Variants in LDB2 observed in about 807,000 individuals in gnomAD.
LDB2 encodes LIM domain-binding protein 2.
LDB2 carries 12 observed loss-of-function variants against 44.3 expected under a neutral mutation model. That is an observed-to-expected ratio of 0.27 (90% confidence interval 0.17 to 0.44). LDB2 has a LOEUF of 0.44. Ranked by LOEUF, LDB2 falls within the 20% of genes least tolerant of loss-of-function variation. The pLI is 1.00. For missense variants in LDB2, 344 were observed against 473.5 expected (o/e 0.73, Z 2.54); for synonymous variants, 164 against 174.8 (o/e 0.94, Z 0.49).
At chr4:16,676,143 G>C (rs2658512) in intron 2 of LDB2, among the ~76,000 whole-genome samples, 2 of 152,356 alleles carry the variant, frequency 1.3e-5, no homozygotes, top group South Asian at 4.1e-4. Context: ...GCGTGGAGGA[G>C]AGGTTGTGTG....
At chr4:16,812,582 T>TATATATATATATATATATA (rs1780080740) in intron 1 of LDB2, among the ~76,000 whole-genome samples, 1 of 115,560 alleles carries the variant, frequency 8.7e-6, no homozygotes, top group African/African-American at 3.9e-5. Context: ...ATCAATGAAA[T>TATATATATATATATATATA]TATATATATA....
At chr4:16,592,927 T>C (rs1420269886) in intron 3 of LDB2, among the ~76,000 whole-genome samples, 2 of 152,202 alleles carry the variant, frequency 1.3e-5, no homozygotes, top group African/African-American at 2.4e-5. Context: ...CCTTGATGTC[T>C]GCTCTTCTGA....
At chr4:16,554,941 G>T (rs1439739804) in intron 5 of LDB2, among the ~76,000 whole-genome samples, 13 of 152,210 alleles carry the variant, frequency 8.5e-5, no homozygotes, top group Non-Finnish European at 2.9e-5. Context: ...TGACATGTCA[G>T]TGTTGGTTCA....
intron 5 of LDB2, among the ~76,000 whole-genome samples, chr4:16,552,020 G>T (rs530701265): frequency 8.9e-4 from 135 of 151,922 alleles, no homozygotes; most frequent in African/African-American, 3.1e-3. Flanking sequence ...ACAAATATTT[G>T]CTGAGCCTCT....
At chr4:16,821,746 C>CAAAAA (rs562184189) in intron 1 of LDB2, among the ~76,000 whole-genome samples, 7,225 of 61,462 alleles carry the variant, frequency 0.12, 1,233 homozygotes, top group Middle Eastern at 0.14. Context: ...AACATTAAAG[C>CAAAAA]AAAAAAAAAA....
intron 2 of LDB2, among the ~76,000 whole-genome samples, chr4:16,758,340 G>C (rs1232094271): frequency 1.3e-5 from 2 of 152,154 alleles, no homozygotes; most frequent in African/African-American, 4.8e-5. Flanking sequence ...TCCATGGCTG[G>C]TTCCCTCATC....
At chr4:16,630,410 C>T (rs554293222) in intron 2 of LDB2, among the ~76,000 whole-genome samples, 2 of 152,250 alleles carry the variant, frequency 1.3e-5, no homozygotes, top group African/African-American at 4.8e-5. Context: ...CACCAGCAGG[C>T]CTACCTTATA....
At chr4:16,598,426 G>T (rs1721623298) in intron 2 of LDB2, among the ~76,000 whole-genome samples, 1 of 152,144 alleles carries the variant, frequency 6.6e-6, no homozygotes, top group Non-Finnish European at 1.5e-5. Flanking sequence ...GCACTAACTT[G>T]CATGGGAGAA....
At chr4:16,602,752 G>C (rs530690122) in intron 2 of LDB2, among the ~76,000 whole-genome samples, 2 of 152,004 alleles carry the variant, frequency 1.3e-5, no homozygotes, top group African/African-American at 2.4e-5. Flanking sequence ...ACCCTACCTT[G>C]CAGTAGATGC....
chr4:16,512,201 A>ATACTT (rs565550114), intron 5 of LDB2, 97 bp from the exon 6 acceptor site: 955 of 1,153,872 alleles, frequency 8.3e-4, no homozygotes, highest in Non-Finnish European at 1.1e-3. Context: ...AGCTTTGAGA[A>ATACTT]TACTTTTATT....
intron 5 of LDB2, among the ~76,000 whole-genome samples, chr4:16,557,374 C>T (rs542089187): frequency 6.6e-5 from 10 of 152,320 alleles, no homozygotes; most frequent in South Asian, 4.1e-4. Context: ...TGCACTTTTC[C>T]GACGGGCTTA....
At chr4:16,609,474 G>A (rs979442262) in intron 2 of LDB2, among the ~76,000 whole-genome samples, 4 of 152,176 alleles carry the variant, frequency 2.6e-5, no homozygotes, top group Admixed American at 6.5e-5. Flanking sequence ...GGGGAAGAGT[G>A]GCACCCATTT....
chr4:16,508,777 T>A, intron 6 of LDB2, 91 bp from the exon 7 acceptor site: 2 of 1,258,708 alleles, frequency 1.6e-6, no homozygotes, highest in Non-Finnish European at 2.2e-6. Flanking sequence ...GCTGTCTTGG[T>A]AAACTGAAGA....
At position 16,862,633 on chromosome 4, in the gene LDB2, C is replaced by CA. The variant is rs58157857; in HGVS notation, c.132+35720dup. On this transcript the variant is annotated intron_variant, in intron 1 of 7. Coordinates refer to ENST00000304523, the MANE Select transcript of LDB2 (RefSeq NM_001290.5). ...GGGCAACAAGAGTGAAATTCCATCT[C>CA]AAAAAAAAAAAAAAAAAAAAAAAAA... Among the ~76,000 whole-genome samples, 330 of 45,084 alleles carry CA rather than the reference C, an allele frequency of 7.3e-3. 20 individuals are homozygous for CA. Among genetic ancestry groups the CA allele is most frequent in the Middle Eastern group, 0.024 (1 of 42 alleles). 29.6% of individuals were successfully genotyped at this position (45,084 alleles called of 152,430 possible).
At chr4:16,754,222 G>T (rs1766038955) in intron 2 of LDB2, among the ~76,000 whole-genome samples, 1 of 152,162 alleles carries the variant, frequency 6.6e-6, no homozygotes, top group Non-Finnish European at 1.5e-5. Flanking sequence ...GCGAGAGTGG[G>T]TTTCTGCACT....
chr4:16,715,711 A>C (rs1265101069), intron 2 of LDB2, among the ~76,000 whole-genome samples: 8 of 151,902 alleles, frequency 5.3e-5, no homozygotes, highest in African/African-American at 1.9e-4. Flanking sequence ...ATTTTCATAC[A>C]CTCTCTTTTG....
chr4:16,544,329 G>C (rs1301128253), intron 5 of LDB2, among the ~76,000 whole-genome samples: 1 of 152,212 alleles, frequency 6.6e-6, no homozygotes, highest in East Asian at 1.9e-4. Flanking sequence ...GTCTGAGAAA[G>C]AGCAGCTGGC....
At chr4:16,557,144 C>T (rs928418889) in intron 5 of LDB2, among the ~76,000 whole-genome samples, 8 of 152,182 alleles carry the variant, frequency 5.3e-5, no homozygotes, top group African/African-American at 1.4e-4. Flanking sequence ...CCAGCGTGAG[C>T]GACGCAGAAG....
chr4:16,623,642 ATG>A (rs35407178), intron 2 of LDB2, among the ~76,000 whole-genome samples: 57,962 of 151,748 alleles, frequency 0.38, 11,168 homozygotes, highest in East Asian at 0.57. Context: ...ATGACTATCA[ATG>A]TGCTGTCAAT....
Sources: gnomAD v4.1 joint callset for allele counts (sites outside exome capture counted in the v4.1 genomes callset) on GRCh38, gnomAD v4.1.1 for gene constraint, MANE v1.5 for transcripts, NCBI Gene and HGNC (gene_info 2026-07-23, HGNC 2026-07-21) for gene names.